Variants in IL6R observed in about 807,000 individuals in gnomAD.
IL6R encodes interleukin 6 receptor, also known as interleukin-6 receptor subunit alpha.
A neutral mutation model predicts 48.3 loss-of-function variants in IL6R; 38 were observed. The observed-to-expected ratio is 0.79, with a 90% CI of 0.61 to 1.03. IL6R has a LOEUF of 1.03. Among genes scored for constraint, IL6R ranks in the 50% least tolerant of loss-of-function variants. The pLI, the probability that IL6R is intolerant of heterozygous loss-of-function variation, is 0.00. For missense variants in IL6R, 534 were observed against 618.3 expected, an observed-to-expected ratio of 0.86 and a Z score of 1.45; for synonymous variants, 264 against 256.2, an observed-to-expected ratio of 1.03 and a Z score of -0.29.
chr1:154,464,999 A>G, intron 9 of IL6R, 135 bp from the exon 10 acceptor site: 1 of 893,632 alleles, frequency 1.1e-6, no homozygotes, highest in Non-Finnish European at 1.8e-6. Context: ...GACAGCTGAT[A>G]GTTATTGCTC....
At chr1:154,448,931 G>GGTGGGACT (rs1690431264) in intron 7 of IL6R, among the ~76,000 whole-genome samples, 1 of 122,858 alleles carries the variant, frequency 8.1e-6, no homozygotes, top group South Asian at 2.7e-4. Flanking sequence ...CTGTCGCCCA[G>GGTGGGACT]GTGGGACTGC....
rs1570904727 is a variant in IL6R at position 154,405,550 on chromosome 1, G to T, written c.-80G>T. 3.0e-5 allele frequency: 2 copies of T among 66,594 alleles called. No individual in the cohort carries two copies. The highest frequency in any genetic ancestry group is 3.4e-4 in the Admixed American group (1 of 2,910). The allele number at this position is 66,594 out of a possible 1,614,324, so 4.1% of individuals were successfully genotyped here. ...GCCTGCCCGCCCACCGCCCCGCCCC[G>T]CCCCTGCCACCCCTGCCGCCCGGTT... On this transcript the variant is annotated 5_prime_UTR_variant, in exon 1 of 10. Transcript: ENST00000368485. This position sits in a 1 kb window ranked among gnomAD's most constrained non-coding sequence, Gnocchi z 5.2.
intron 9 of IL6R, among the ~76,000 whole-genome samples, chr1:154,461,424 A>G (rs1691254586): frequency 1.3e-5 from 2 of 152,164 alleles, no homozygotes; most frequent in Admixed American, 6.5e-5. Flanking sequence ...CTTCCCAGAC[A>G]CTGGCGTTAC....
intron 3 of IL6R, among the ~76,000 whole-genome samples, chr1:154,432,434 T>G (rs1689345222): frequency 2.0e-5 from 3 of 151,164 alleles, no homozygotes; most frequent in Non-Finnish European, 4.4e-5. Flanking sequence ...CTCGGCTCAC[T>G]GCAATCTCCG....
Position 154,435,154 on chromosome 1 carries a change from A to C in IL6R, c.805A>C (p.Met269Leu). ...ACGGTCAAAGACATTCACAACATGG[A>C]TGGTAAATTTATGTTTTACTTCTGG... ...AERSKTFTTWMVKDLQHHCVI... is the reference protein window; with the variant it reads ...AERSKTFTTWLVKDLQHHCVI... The change falls in exon 5 of 10, where the codon ATG becomes CTG. Residue 269 changes from methionine (M) to leucine (L), a missense_variant and splice_region_variant. Met to Leu is a conservative substitution (Grantham distance 15, BLOSUM62 2). Coordinates refer to ENST00000368485, the MANE Select transcript of IL6R (RefSeq NM_000565.4). The C allele has an allele frequency of 6.2e-7, 1 of 1,613,946 alleles. No individual in the cohort carries two copies. Among genetic ancestry groups the C allele is most frequent in the Non-Finnish European group, 8.5e-7 (1 of 1,179,842 alleles).
intron 1 of IL6R, among the ~76,000 whole-genome samples, chr1:154,406,980 A>G (rs1232910507): frequency 6.6e-6 from 1 of 152,196 alleles, no homozygotes. Flanking sequence ...GCGGGATGGC[A>G]GGTTGTCAGG....
intron 1 of IL6R, among the ~76,000 whole-genome samples, chr1:154,410,107 A>G (rs546923158): frequency 6.6e-6 from 1 of 152,050 alleles, no homozygotes; most frequent in Non-Finnish European, 1.5e-5. Flanking sequence ...TGCCCTGGAG[A>G]AGTATCTCTG....
chr1:154,468,247 G>T lies in IL6R; in HGVS notation c.*2867G>T, dbSNP rs1016547883. On this transcript the variant is annotated 3_prime_UTR_variant, in exon 10 of 10. Coordinates refer to ENST00000368485, the MANE Select transcript of IL6R (RefSeq NM_000565.4). ...TGACTGAACATGTGTCTCAATGCAC[G>T]GGGCATTTCTACCTGTGTTTCTGCA... 3 of 152,100 alleles carry T rather than the reference G, an allele frequency of 2.0e-5. No homozygotes were observed. Among genetic ancestry groups the T allele is most frequent in the African/African-American group, 7.2e-5 (3 of 41,382 alleles). 9.4% of individuals were successfully genotyped at this position (152,100 alleles called of 1,614,324 possible).
chr1:154,431,454 T>C (rs1026251379), intron 3 of IL6R, among the ~76,000 whole-genome samples: 1 of 152,218 alleles, frequency 6.6e-6, no homozygotes, highest in Middle Eastern at 3.2e-3. Flanking sequence ...AGTATGTTTT[T>C]CTATAGATAT....
intron 1 of IL6R, among the ~76,000 whole-genome samples, chr1:154,417,426 G>C (rs760565969): frequency 3.3e-5 from 5 of 152,152 alleles, no homozygotes; most frequent in Non-Finnish European, 7.4e-5. Flanking sequence ...TCTCCTCACT[G>C]TCCCTTTCAG....
rs760368867 is a variant in IL6R at position 154,465,180 on chromosome 1, A to G, written c.1207A>G (p.Ser403Gly). Reference sequence around the variant, plus strand: ...GCGGGCTCTGAAGGAAGGCAAGACAAGCATGCATCCGCCGTACTCTTTGGG... The same window carrying G: ...GCGGGCTCTGAAGGAAGGCAAGACAGGCATGCATCCGCCGTACTCTTTGGG... ...KLRALKEGKT[S>G]MHPPYSLGQL... Residue 403 changes from serine to glycine, a missense_variant, in exon 10 of 10, where the codon AGC becomes GGC. Physicochemically the swap from Ser to Gly is moderately conservative, Grantham distance 56. Coordinates refer to ENST00000368485, the MANE Select transcript of IL6R (RefSeq NM_000565.4). 2.5e-6 allele frequency: 4 copies of G among 1,614,154 alleles called. No individual in the cohort carries two copies. In the East Asian group the frequency reaches 8.9e-5, roughly 36 times the overall value.
At chr1:154,455,383 C>G (rs1690810195) in intron 9 of IL6R, among the ~76,000 whole-genome samples, 1 of 151,684 alleles carries the variant, frequency 6.6e-6, no homozygotes, top group African/African-American at 2.4e-5. Context: ...GGATTTTAGG[C>G]CTTCTCTTGA....
Position 154,416,580 on chromosome 1 carries a change from C to A in IL6R, c.85+10866C>A, listed in dbSNP as rs1392190195. 2.6e-5 allele frequency among the ~76,000 whole-genome samples: 4 copies of A among 152,200 alleles called. 1 individual carries two copies. In the South Asian group the frequency reaches 8.3e-4, roughly 32 times the overall value. On this transcript the variant is annotated intron_variant, in intron 1 of 9. Coordinates refer to ENST00000368485, the MANE Select transcript of IL6R (RefSeq NM_000565.4). The stretch of plus-strand genomic sequence containing the variant: ...AGGAGAGCCCGACATTCAGGTCTCA[C>A]TGAGGGGAGATGTGCCCAGGACACT...
At chr1:154,429,712 C>T (rs1179305938) in intron 2 of IL6R, among the ~76,000 whole-genome samples, 1 of 152,094 alleles carries the variant, frequency 6.6e-6, no homozygotes, top group Non-Finnish European at 1.5e-5. Context: ...AGTCAGGCAG[C>T]CTGGGTTTGA....
At chr1:154,443,459 G>A (rs1393976642) in intron 6 of IL6R, among the ~76,000 whole-genome samples, 1 of 152,184 alleles carries the variant, frequency 6.6e-6, no homozygotes, top group Non-Finnish European at 1.5e-5. Context: ...GTTTTCTGCA[G>A]CTTTCTGGAA....
rs1194161155 is a variant in IL6R at position 154,466,329 on chromosome 1, A to G, written c.*949A>G. ...TTTTACTGCAGCTTTGTTTGTTGTC[A>G]GCTGAACCTGGGTAACTAGGGAAGA... On this transcript the variant is annotated 3_prime_UTR_variant, in exon 10 of 10. Coordinates refer to ENST00000368485, the MANE Select transcript of IL6R (RefSeq NM_000565.4). 6.6e-6 allele frequency: 1 copy of G among 152,254 alleles called. No homozygotes were observed. Among genetic ancestry groups the G allele is most frequent in the Non-Finnish European group, 1.5e-5 (1 of 68,048 alleles). 9.4% of individuals were successfully genotyped at this position (152,254 alleles called of 1,614,324 possible).
intron 5 of IL6R, 57 bp downstream of exon 5, chr1:154,435,213 A>G (rs1558314721): frequency 9.7e-6 from 15 of 1,553,212 alleles, no homozygotes; most frequent in Non-Finnish European, 1.1e-5. Flanking sequence ...TAGGCGTAGT[A>G]GAAAGGGTAC....
rs568728084 is a variant in IL6R, at chr1:154,422,877, T to C, written c.86-6319T>C. Reference sequence around the variant, plus strand: ...CCCCTCCTCACCTGGTTCCTCATCGTGTCTCTTCCTTTTGGCCCTTCTCTT... The same window carrying C: ...CCCCTCCTCACCTGGTTCCTCATCGCGTCTCTTCCTTTTGGCCCTTCTCTT... On this transcript the variant is annotated intron_variant, in intron 1 of 9. Transcript: ENST00000368485. Among the ~76,000 whole-genome samples the C allele has an allele frequency of 2.0e-5, 3 of 152,298 alleles. No homozygotes were observed. In the East Asian group the frequency reaches 5.8e-4, roughly 29 times the overall value.
chr1:154,447,740 G>A (rs958151557), intron 6 of IL6R, among the ~76,000 whole-genome samples: 2 of 127,582 alleles, frequency 1.6e-5, no homozygotes, highest in Non-Finnish European at 3.6e-5. Context: ...TTGAGACGGA[G>A]TTTTGCTCTT....
Sources: allele counts gnomAD v4.1 joint callset (sites outside exome capture counted in the v4.1 genomes callset), GRCh38; gene constraint gnomAD v4.1.1; non-coding constraint Gnocchi (gnomAD v3.1); transcripts MANE v1.5; gene names NCBI Gene and HGNC (gene_info 2026-07-23, HGNC 2026-07-21).